TRABD2A: variants seen among roughly 807,000 people sequenced by gnomAD.
The protein encoded by TRABD2A is TraB domain containing 2A.
TRABD2A carries 43 observed loss-of-function variants against 45.6 expected under a neutral mutation model. The observed-to-expected ratio is 0.94, with a 90% CI of 0.74 to 1.22. TRABD2A has a LOEUF of 1.22. Among genes scored for constraint, TRABD2A ranks in the 50% most tolerant of loss-of-function variants. The pLI is 0.00. For synonymous variants in TRABD2A, 269 were observed against 265.0 expected (o/e 1.02, Z -0.15); for missense variants, 642 against 652.4 (o/e 0.98, Z 0.17).
intron 2 of TRABD2A, among the ~76,000 whole-genome samples, chr2:84,868,191 G>A (rs542049050): frequency 1.8e-3 from 268 of 152,248 alleles, no homozygotes; most frequent in African/African-American, 6.2e-3. Context: ...AACCGAAATT[G>A]TCCATCAATG....
chr2:84,834,021 G>C (rs116018961), intron 4 of TRABD2A: 4,432 of 152,514 alleles, frequency 0.029, 79 homozygotes, highest in Middle Eastern at 0.054. Flanking sequence ...CGGGACATAC[G>C]GGAAGTTTTT....
At position 84,862,794 on chromosome 2, in the gene TRABD2A, T is replaced by C. The variant is rs556108210; in HGVS notation, c.669+7431A>G. 5.7e-4 allele frequency among the ~76,000 whole-genome samples: 86 copies of C among 152,146 alleles called. 2 individuals carry two copies. In the South Asian group the frequency reaches 0.018, roughly 31 times the overall value. On this transcript the variant is annotated intron_variant, in intron 2 of 6. Transcript: ENST00000409520. The stretch of plus-strand genomic sequence containing the variant: ...GCCATAAAATGAAAGACAGCTCAAG[T>C]CCTGAGCAGGCCTGTGCCCAGGGGG...
chr2:84,879,461 G>C, intron 1 of TRABD2A: 3 of 365,266 alleles, frequency 8.2e-6, no homozygotes, highest in Non-Finnish European at 1.1e-5. Context: ...GATTACAGGA[G>C]TGAGCTACCA....
At chr2:84,822,182 C>T in intron 6 of TRABD2A, 82 bp from the exon 7 acceptor site, 1 of 1,228,742 alleles carries the variant, frequency 8.1e-7, no homozygotes, top group East Asian at 2.7e-5. Flanking sequence ...GCCCACACAG[C>T]TTCTCTTCAT....
At chr2:84,836,661 C>T (rs1359474846) in intron 4 of TRABD2A, 2 of 152,116 alleles carry the variant, frequency 1.3e-5, no homozygotes, top group African/African-American at 4.8e-5. Context: ...TTCTGGGACT[C>T]CCGTTAGGTA....
chr2:84,854,689 G>C (rs1016627490), intron 2 of TRABD2A, among the ~76,000 whole-genome samples: 2 of 152,142 alleles, frequency 1.3e-5, no homozygotes, highest in Non-Finnish European at 2.9e-5. Flanking sequence ...AGACCTGCCT[G>C]ACTGCCCAGA....
chr2:84,868,513 TTAGTTAATTAGTTAAC>T (rs1337454968), intron 2 of TRABD2A, among the ~76,000 whole-genome samples: 11 of 110,606 alleles, frequency 9.9e-5, no homozygotes, highest in South Asian at 4.8e-4. Context: ...AATTAACTAA[TTAGTTAATTAGTTAAC>T]TAGTTAATTA....
At position 84,823,546 on chromosome 2, in the gene TRABD2A, G is replaced by A. The variant is rs116682389; in HGVS notation, c.1334+407C>T. ...GAGACTACATTTGGTGTAGGGTCACGACCCTTCCCTTACAATGTGGGGGTT... is the reference window on the plus strand; with the variant it reads ...GAGACTACATTTGGTGTAGGGTCACAACCCTTCCCTTACAATGTGGGGGTT... On this transcript the variant is annotated intron_variant, in intron 6 of 6. Coordinates refer to ENST00000409520, the MANE Select transcript of TRABD2A (RefSeq NM_001277053.2). Among the ~76,000 whole-genome samples the A allele has an allele frequency of 7.0e-3, 1,067 of 152,250 alleles. 8 individuals are homozygous for A. The highest frequency in any genetic ancestry group is 0.012 in the Non-Finnish European group (795 of 68,014).
intron 1 of TRABD2A, chr2:84,875,088 G>A (rs1682986016): frequency 6.0e-6 from 1 of 166,258 alleles, no homozygotes; most frequent in African/African-American, 2.4e-5. Context: ...AGCTAGTTAA[G>A]AAGCACAAAG....
intron 1 of TRABD2A, among the ~76,000 whole-genome samples, chr2:84,879,215 G>A (rs979851667): frequency 4.1e-5 from 6 of 146,066 alleles, no homozygotes; most frequent in African/African-American, 1.0e-4. Context: ...ATAGGGTCTC[G>A]CTCTTTCACC....
chr2:84,845,795 C>T (rs1681875651), intron 2 of TRABD2A, among the ~76,000 whole-genome samples: 1 of 152,150 alleles, frequency 6.6e-6, no homozygotes, highest in African/African-American at 2.4e-5. Context: ...TTCATTAATT[C>T]AGTCAATAAA....
At chr2:84,827,133 C>G (rs1366345494) in intron 5 of TRABD2A, among the ~76,000 whole-genome samples, 1 of 152,192 alleles carries the variant, frequency 6.6e-6, no homozygotes, top group Admixed American at 6.5e-5. Flanking sequence ...CATGTTTTGA[C>G]CCACCTGGAT....
chr2:84,854,538 G>A lies in TRABD2A; in HGVS notation c.670-12531C>T, dbSNP rs1573938893. 2.0e-5 allele frequency among the ~76,000 whole-genome samples: 3 copies of A among 152,090 alleles called. No individual in the cohort carries two copies. In the South Asian group the frequency reaches 6.2e-4, roughly 32 times the overall value. The stretch of plus-strand genomic sequence containing the variant: ...CCAAGGTCACAATACTAGGAAATGG[G>A]GGAGCCAGGATTCAAACCCAGATCC... On this transcript the variant is annotated intron_variant, in intron 2 of 6. Transcript: ENST00000409520.
chr2:84,842,836 A>G (rs1681757454), intron 2 of TRABD2A, among the ~76,000 whole-genome samples: 1 of 152,122 alleles, frequency 6.6e-6, no homozygotes, highest in South Asian at 2.1e-4. Context: ...GATGGGGAAC[A>G]GAGTATGCCA....
At chr2:84,875,586 G>A (rs756203900) in intron 1 of TRABD2A, among the ~76,000 whole-genome samples, 15 of 152,202 alleles carry the variant, frequency 9.9e-5, no homozygotes, top group South Asian at 2.1e-4. Flanking sequence ...TCAAAGGCTC[G>A]CCCTGGAGGC....
chr2:84,838,984 C>T lies in TRABD2A; in HGVS notation c.991+165G>A, dbSNP rs574940175. The T allele has an allele frequency of 8.5e-5, 61 of 713,910 alleles. 1 individual carries two copies. In the African/African-American group the frequency reaches 1.0e-3, roughly 12 times the overall value. 44.2% of individuals were successfully genotyped at this position (713,910 alleles called of 1,614,324 possible). On this transcript the variant is annotated intron_variant, in intron 4 of 6. Coordinates refer to ENST00000409520, the MANE Select transcript of TRABD2A (RefSeq NM_001277053.2). Reference sequence around the variant, plus strand: ...ATTTCAACCATGCTGGATGCTCCATCCCCAGCTGGAGCCACTCTGCAACTG... The same window carrying T: ...ATTTCAACCATGCTGGATGCTCCATTCCCAGCTGGAGCCACTCTGCAACTG...
chr2:84,879,734 C>A (rs1683140786), intron 1 of TRABD2A: 1 of 368,878 alleles, frequency 2.7e-6, no homozygotes, highest in Non-Finnish European at 3.8e-6. Flanking sequence ...CTGGTGCAGA[C>A]TCCCCTCTCC....
intron 2 of TRABD2A, among the ~76,000 whole-genome samples, chr2:84,842,215 A>C (rs1681735047): frequency 6.6e-6 from 1 of 152,170 alleles, no homozygotes; most frequent in Non-Finnish European, 1.5e-5. Flanking sequence ...AATCAGACAC[A>C]CCTAGGGAAC....
intron 2 of TRABD2A, among the ~76,000 whole-genome samples, chr2:84,850,195 GA>G (rs1559091251): frequency 6.6e-6 from 1 of 152,070 alleles, no homozygotes; most frequent in East Asian, 1.9e-4. Context: ...GCACCTGGGG[GA>G]AAAGCACAAT....
Sources: allele counts gnomAD v4.1 joint callset (sites outside exome capture counted in the v4.1 genomes callset), GRCh38; gene constraint gnomAD v4.1.1; transcripts MANE v1.5; gene names NCBI Gene and HGNC (gene_info 2026-07-23, HGNC 2026-07-21).